Variants in SPMIP7 observed in about 807,000 individuals in gnomAD.
The protein encoded by SPMIP7 is protein SPMIP7.
At chr7:50,100,631 T>C in the SPMIP7 span, among the ~76,000 whole-genome samples, 1 of 151,878 alleles carries the variant, frequency 6.6e-6, no homozygotes, top group Admixed American at 6.6e-5. Context: ...GCTAATATAG[T>C]GAAACCCCGT....
chr7:50,145,616 G>GTATATATATATA, the SPMIP7 span, among the ~76,000 whole-genome samples: 5 of 26,940 alleles, frequency 1.9e-4, no homozygotes, highest in African/African-American at 3.0e-4. Flanking sequence ...GTATATGTGT[G>GTATATATATATA]TGTATATATA....
At chr7:50,101,420 T>C in the SPMIP7 span, among the ~76,000 whole-genome samples, 1 of 152,208 alleles carries the variant, frequency 6.6e-6, no homozygotes, top group South Asian at 2.1e-4. Flanking sequence ...CCTTTGCAGC[T>C]ATTGAAACTG....
the SPMIP7 span, among the ~76,000 whole-genome samples, chr7:50,158,424 T>C: frequency 7.2e-6 from 1 of 138,272 alleles, no homozygotes; most frequent in African/African-American, 2.8e-5. Flanking sequence ...ATGTCTTCTC[T>C]TTGCCTCTGG....
chr7:50,099,386 C>T, the SPMIP7 span, among the ~76,000 whole-genome samples: 1 of 152,160 alleles, frequency 6.6e-6, no homozygotes, highest in Admixed American at 6.5e-5. Context: ...TGTTATTTAA[C>T]TCTATTTTAT....
the SPMIP7 span, among the ~76,000 whole-genome samples, chr7:50,152,664 T>TTCTATTTA: frequency 7.1e-6 from 1 of 141,362 alleles, no homozygotes; most frequent in Non-Finnish European, 1.5e-5. Context: ...TTATCACACA[T>TTCTATTTA]TTTATTTATT....
the SPMIP7 span, chr7:50,104,369 A>G: frequency 6.5e-7 from 1 of 1,539,738 alleles, no homozygotes; most frequent in Non-Finnish European, 8.8e-7. Context: ...AAGGACGCTC[A>G]TTAAGTCACA....
At chr7:50,129,291 T>C in the SPMIP7 span, among the ~76,000 whole-genome samples, 1 of 151,974 alleles carries the variant, frequency 6.6e-6, no homozygotes, top group South Asian at 2.1e-4. Flanking sequence ...CCATTAAAGA[T>C]AATAATGATT....
At chr7:50,097,488 G>A in the SPMIP7 span, among the ~76,000 whole-genome samples, 1 of 152,122 alleles carries the variant, frequency 6.6e-6, no homozygotes, top group Non-Finnish European at 1.5e-5. Flanking sequence ...GTATTTCACT[G>A]CCTGAATCAG....
chr7:50,106,384 C>T, the SPMIP7 span, among the ~76,000 whole-genome samples: 5 of 152,132 alleles, frequency 3.3e-5, no homozygotes, highest in African/African-American at 1.2e-4. Flanking sequence ...ACCTGGAGGC[C>T]TGAACCCTCC....
chr7:50,136,279 T>C, the SPMIP7 span: 17 of 736,522 alleles, frequency 2.3e-5, no homozygotes, highest in Non-Finnish European at 3.5e-5. Flanking sequence ...ATATGTTCTC[T>C]GATGGAGAGC....
the SPMIP7 span, among the ~76,000 whole-genome samples, chr7:50,143,963 G>A: frequency 6.6e-6 from 1 of 151,872 alleles, no homozygotes; most frequent in African/African-American, 2.4e-5. Context: ...CATTCACTTA[G>A]GTTACATATG....
At chr7:50,152,550 T>C in the SPMIP7 span, among the ~76,000 whole-genome samples, 1 of 152,188 alleles carries the variant, frequency 6.6e-6, no homozygotes, top group African/African-American at 2.4e-5. Context: ...CCAGTGCAGA[T>C]GAATATGCTA....
the SPMIP7 span, among the ~76,000 whole-genome samples, chr7:50,157,232 A>G: frequency 7.2e-5 from 11 of 152,204 alleles, no homozygotes. Flanking sequence ...CAAAGTGCAC[A>G]GGGACCCCAC....
At chr7:50,104,089 A>G in the SPMIP7 span, among the ~76,000 whole-genome samples, 1 of 152,366 alleles carries the variant, frequency 6.6e-6, no homozygotes, top group South Asian at 2.1e-4. Context: ...TCTAATAATA[A>G]GTAAGAAATA....
the SPMIP7 span, chr7:50,158,938 C>A: frequency 8.6e-7 from 1 of 1,157,776 alleles, no homozygotes; most frequent in Non-Finnish European, 1.2e-6. Flanking sequence ...CTGCAGTGCG[C>A]GCTCCCCTCC....
chr7:50,129,755 T>C, the SPMIP7 span: 2 of 1,549,124 alleles, frequency 1.3e-6, no homozygotes, highest in Non-Finnish European at 1.7e-6. Context: ...ACAAGAAATG[T>C]AATGCAAAGG....
the SPMIP7 span, among the ~76,000 whole-genome samples, chr7:50,156,165 G>A: frequency 7.9e-5 from 12 of 152,174 alleles, no homozygotes; most frequent in Non-Finnish European, 1.6e-4. Context: ...TAGCAGGAAG[G>A]CCTGGCCCTT....
the SPMIP7 span, among the ~76,000 whole-genome samples, chr7:50,101,616 A>G: frequency 6.6e-6 from 1 of 152,346 alleles, no homozygotes; most frequent in Admixed American, 6.5e-5. Context: ...TTCATCGTCC[A>G]GAGTCCTTTC....
the SPMIP7 span, chr7:50,140,256 T>G: frequency 2.5e-6 from 2 of 803,114 alleles, no homozygotes; most frequent in Non-Finnish European, 1.9e-6. Context: ...AGCTCACGCA[T>G]GTTGTATTCA....
Sources: gnomAD v4.1 joint callset for allele counts (sites outside exome capture counted in the v4.1 genomes callset) on GRCh38, gnomAD v4.1.1 for gene constraint, MANE v1.5 for transcripts, NCBI Gene and HGNC (gene_info 2026-07-23, HGNC 2026-07-21) for gene names.